CRACDL: variants seen among roughly 807,000 people sequenced by gnomAD.
CRACDL encodes the protein CRACD like.
In CRACDL, 26 loss-of-function variants were observed where a neutral mutation model predicts 70.6. The ratio of observed to expected loss-of-function variants is 0.37; its 90% confidence interval spans 0.27 to 0.51. The LOEUF is 0.51. Ranked by LOEUF, CRACDL falls within the 20% of genes least tolerant of loss-of-function variation. The pLI is 0.94. For missense variants in CRACDL, 1,283 were observed against 1,376.9 expected (o/e 0.93, Z 1.08); for synonymous variants, 618 against 615.2 (o/e 1.00, Z -0.07).
In CRACDL at chr2:98,834,414, G is replaced by A. The variant is rs568697939; in HGVS notation, c.240-1417C>T. On this transcript the variant is annotated intron_variant, in intron 3 of 9. Coordinates refer to ENST00000397899, the MANE Select transcript of CRACDL (RefSeq NM_207362.3). ...CTGATGGGCAGGAAGGTCTCTACAC[G>A]CTGCATGCAGGCATCACCAGATACT... Among the ~76,000 whole-genome samples, 164 of 152,264 alleles carry A rather than the reference G, an allele frequency of 1.1e-3. 1 individual carries two copies. The highest frequency in any genetic ancestry group is 3.8e-3 in the African/African-American group (159 of 41,536).
Position 98,793,960 on chromosome 2 carries a change from C to A in CRACDL, c.*572G>T, listed in dbSNP as rs1703696661. 6.6e-6 allele frequency: 1 copy of A among 152,664 alleles called. No individual in the cohort carries two copies. Among genetic ancestry groups the A allele is most frequent in the South Asian group, 2.1e-4 (1 of 4,828 alleles). 9.5% of individuals were successfully genotyped at this position (152,664 alleles called of 1,614,324 possible). A position where few individuals can be genotyped will look rare whatever the true frequency, so the allele number is the denominator to read the frequency against. On this transcript the variant is annotated 3_prime_UTR_variant, in exon 10 of 10. Coordinates refer to ENST00000397899, the MANE Select transcript of CRACDL (RefSeq NM_207362.3). ...GGAAACAGTCTATGAATTGATGAAC[C>A]CTGCCGTGTTCCTTCATCTCCTTCT...
intron 1 of CRACDL, among the ~76,000 whole-genome samples, chr2:98,923,637 T>C (rs75317557): frequency 0.029 from 4,446 of 152,328 alleles, 91 homozygotes; most frequent in Non-Finnish European, 0.046. Context: ...AGGTCACATA[T>C]GTATACAGGC....
At chr2:98,808,542 T>C (rs1293307662) in intron 7 of CRACDL, among the ~76,000 whole-genome samples, 3 of 152,140 alleles carry the variant, frequency 2.0e-5, no homozygotes, top group African/African-American at 7.2e-5. Context: ...AGAACTGGGC[T>C]GACATCTGCC....
At chr2:98,929,034 C>T (rs1709003693) in intron 1 of CRACDL, among the ~76,000 whole-genome samples, 1 of 152,004 alleles carries the variant, frequency 6.6e-6, no homozygotes, top group African/African-American at 2.4e-5. Context: ...TTTCTTCTCC[C>T]TCCTCACCTC....
At chr2:98,858,512 CAAAAAAA>C (rs370742460) in intron 1 of CRACDL, among the ~76,000 whole-genome samples, 2 of 56,266 alleles carry the variant, frequency 3.6e-5, no homozygotes, top group Non-Finnish European at 8.3e-5. Flanking sequence ...GAGACTCTGT[CAAAAAAA>C]AAAAAAAAAA....
Position 98,822,744 on chromosome 2 carries a change from G to A in CRACDL, c.1529C>T (p.Ala510Val). 3.2e-6 allele frequency: 4 copies of A among 1,266,964 alleles called. No homozygotes were observed. The highest frequency in any genetic ancestry group is 4.0e-6 in the Non-Finnish European group (4 of 1,010,668). 78.5% of individuals were successfully genotyped at this position (1,266,964 alleles called of 1,614,324 possible). Reference sequence around the variant, plus strand: ...CGCAGCGGCAAGCGGCGGGGACGCGGCGGGGCCCTCGCTGGCGGCCGCGGG... The same window carrying A: ...CGCAGCGGCAAGCGGCGGGGACGCGACGGGGCCCTCGCTGGCGGCCGCGGG... ...HRPAAASEGP[A>V]ASPPLAAAES... The change falls in exon 7 of 10, where the codon GCC becomes GTC. Residue 510 changes from alanine (A) to valine (V), a missense_variant. By Grantham distance (64) the Ala-to-Val change is moderately conservative. Transcript: ENST00000397899. The surrounding 1 kb of genome is among the most constrained non-coding windows in gnomAD (Gnocchi z 4.9).
At chr2:98,888,987 G>T (rs928169907) in intron 1 of CRACDL, among the ~76,000 whole-genome samples, 1 of 152,028 alleles carries the variant, frequency 6.6e-6, no homozygotes, top group African/African-American at 2.4e-5. Flanking sequence ...AATTAGCCAG[G>T]CATGGTGGTA....
intron 1 of CRACDL, among the ~76,000 whole-genome samples, chr2:98,929,427 C>T (rs1028221704): frequency 2.0e-5 from 3 of 152,180 alleles, no homozygotes; most frequent in African/African-American, 4.8e-5. Flanking sequence ...GCCCAGAGAG[C>T]AGCCCAGTAT....
chr2:98,893,566 T>G (rs6717372), intron 1 of CRACDL, among the ~76,000 whole-genome samples: 79,074 of 151,576 alleles, frequency 0.52, 22,195 homozygotes, highest in African/African-American at 0.73. Context: ...TTACAGGCAT[T>G]AGCCACTGCA....
chr2:98,880,841 G>C (rs971200216), intron 1 of CRACDL, among the ~76,000 whole-genome samples: 4 of 152,230 alleles, frequency 2.6e-5, no homozygotes, highest in Admixed American at 6.5e-5. Flanking sequence ...TGGTCATTTG[G>C]ACAAGTGTGA....
intron 1 of CRACDL, among the ~76,000 whole-genome samples, chr2:98,870,434 T>C (rs988660719): frequency 2.0e-5 from 3 of 152,236 alleles, no homozygotes; most frequent in Non-Finnish European, 4.4e-5. Context: ...AGAGCTCAGA[T>C]GATAATCACG....
At chr2:98,870,435 G>T (rs1019353696) in intron 1 of CRACDL, among the ~76,000 whole-genome samples, 1 of 152,240 alleles carries the variant, frequency 6.6e-6, no homozygotes, top group African/African-American at 2.4e-5. Flanking sequence ...GAGCTCAGAT[G>T]ATAATCACGC....
intron 6 of CRACDL, among the ~76,000 whole-genome samples, chr2:98,825,855 A>T (rs1705279279): frequency 6.6e-6 from 1 of 152,198 alleles, no homozygotes; most frequent in South Asian, 2.1e-4. Flanking sequence ...CACCTTCCAT[A>T]TGCCCAAAGG....
chr2:98,859,889 ATCAT>A (rs1706867351), intron 1 of CRACDL, among the ~76,000 whole-genome samples: 1 of 152,252 alleles, frequency 6.6e-6, no homozygotes, highest in Admixed American at 6.5e-5. Flanking sequence ...AGATGACATG[ATCAT>A]GCACATAGAT....
rs548988640 is a variant in CRACDL at position 98,891,376 on chromosome 2, C to CAAAAAAAAAAAAAAAAAAAAA, written c.-11+44541_-11+44561dup. Among the ~76,000 whole-genome samples the CAAAAAAAAAAAAAAAAAAAAA allele has an allele frequency of 2.9e-3, 110 of 37,894 alleles. 9 individuals carry two copies. Among genetic ancestry groups the CAAAAAAAAAAAAAAAAAAAAA allele is most frequent in the Non-Finnish European group, 4.0e-3 (77 of 19,450 alleles). The allele number at this position is 37,894 out of a possible 152,430, so 24.9% of individuals were successfully genotyped here. On this transcript the variant is annotated intron_variant, in intron 1 of 9. Transcript: ENST00000397899. Reference sequence around the variant, plus strand: ...TGGGTGACAGAGGGAGACTCCGTCTCAAAAAAAAAAAAAAAAAAAAAAAAA... The same window carrying CAAAAAAAAAAAAAAAAAAAAA: ...TGGGTGACAGAGGGAGACTCCGTCTCAAAAAAAAAAAAAAAAAAAAAAAAAAAAAAAAAAAAAAAAAAAAAA...
At chr2:98,804,116 A>C (rs1704193981) in intron 7 of CRACDL, among the ~76,000 whole-genome samples, 1 of 152,230 alleles carries the variant, frequency 6.6e-6, no homozygotes. Context: ...TCTGTCCCAG[A>C]GCCAGGCTGT....
rs749417186 is a variant in CRACDL at position 98,823,142 on chromosome 2, G to C, written c.1131C>G (p.Pro377=). 4 of 1,558,742 alleles carry C rather than the reference G, an allele frequency of 2.6e-6. No individual in the cohort carries two copies. Among genetic ancestry groups the C allele is most frequent in the Non-Finnish European group, 3.5e-6 (4 of 1,155,920 alleles). ...DGGKQDGEAP[P]AGPCAPATDK... ...CCGTGGCCGGGGCACACGGGCCTGC[G>C]GGGGGCGCCTCCCCATCCTGCTTTC... Residue 377 remains proline (P), a synonymous_variant, in exon 7 of 10, where the codon CCC becomes CCG. Coordinates refer to ENST00000397899, the MANE Select transcript of CRACDL (RefSeq NM_207362.3). This position sits in a 1 kb window ranked among gnomAD's most constrained non-coding sequence, Gnocchi z 4.0.
chr2:98,853,310 A>C (rs78842703), intron 1 of CRACDL, among the ~76,000 whole-genome samples: 20 of 152,346 alleles, frequency 1.3e-4, no homozygotes, highest in Non-Finnish European at 2.6e-4. Context: ...ACAATGGATA[A>C]GAAAAGCCAA....
At chr2:98,932,130 G>C (rs1185385785) in intron 1 of CRACDL, among the ~76,000 whole-genome samples, 1 of 152,218 alleles carries the variant, frequency 6.6e-6, no homozygotes, top group Non-Finnish European at 1.5e-5. Context: ...CTGGCTGTCT[G>C]TGTTGTCCTA....
Sources: gnomAD v4.1 joint callset for allele counts (sites outside exome capture counted in the v4.1 genomes callset) on GRCh38, gnomAD v4.1.1 for gene constraint, Gnocchi (gnomAD v3.1) non-coding constraint, MANE v1.5 for transcripts, NCBI Gene and HGNC (gene_info 2026-07-23, HGNC 2026-07-21) for gene names.